KIAA0586: variants seen among roughly 807,000 people sequenced by gnomAD.
KIAA0586 encodes the protein protein TALPID3.
Under a neutral mutation model 169.8 loss-of-function variants are expected in KIAA0586, and 144 were observed. That is an observed-to-expected ratio of 0.85 (90% CI 0.74 to 0.97). The LOEUF (loss-of-function observed/expected upper bound fraction) is 0.97. KIAA0586 is among the 50% of genes least tolerant of loss of function. KIAA0586 has a pLI of 0.00. For synonymous variants in KIAA0586, 625 were observed against 612.4 expected (o/e 1.02, Z -0.30); for missense variants, 1,854 against 1,823.0 (o/e 1.02, Z -0.31).
intron 29 of KIAA0586, among the ~76,000 whole-genome samples, chr14:58,527,557 G>A (rs2045676520): frequency 6.6e-6 from 1 of 152,088 alleles, no homozygotes; most frequent in Non-Finnish European, 1.5e-5. Flanking sequence ...ATATTCAGCA[G>A]TCTTAAATAA....
intron 21 of KIAA0586, among the ~76,000 whole-genome samples, chr14:58,485,552 T>TA (rs1264564525): frequency 2.0e-5 from 3 of 152,164 alleles, no homozygotes; most frequent in Non-Finnish European, 2.9e-5. Context: ...TCCATAGATA[T>TA]ATCCATATAT....
At chr14:58,498,153 G>A (rs146990626) in intron 26 of KIAA0586, among the ~76,000 whole-genome samples, 4,247 of 152,172 alleles carry the variant, frequency 0.028, 99 homozygotes, top group Non-Finnish European at 0.037. Flanking sequence ...TGGTATTACA[G>A]GCATGAGCCA....
chr14:58,539,820 G>A (rs2046527503), intron 29 of KIAA0586: 4 of 298,572 alleles, frequency 1.3e-5, no homozygotes, highest in Middle Eastern at 9.0e-4. Context: ...ATGACCCTTT[G>A]CTTCCCCCCC....
intron 29 of KIAA0586, among the ~76,000 whole-genome samples, chr14:58,520,532 T>C (rs1429618526): frequency 6.6e-6 from 1 of 152,048 alleles, no homozygotes; most frequent in Non-Finnish European, 1.5e-5. Flanking sequence ...GTTGTTGTTG[T>C]TGTTGTTGAG....
chr14:58,475,732 A>G (rs1398188945), intron 19 of KIAA0586, among the ~76,000 whole-genome samples: 1 of 152,212 alleles, frequency 6.6e-6, no homozygotes, highest in Non-Finnish European at 1.5e-5. Flanking sequence ...ATATAAAAAG[A>G]TATTAATAAT....
chr14:58,505,324 A>G (rs2043862935), intron 27 of KIAA0586, among the ~76,000 whole-genome samples: 1 of 152,166 alleles, frequency 6.6e-6, no homozygotes, highest in Non-Finnish European at 1.5e-5. Flanking sequence ...AAAACTTCAT[A>G]GTGTTGATTT....
Position 58,467,813 on chromosome 14 carries a change from C to T in KIAA0586, c.2333C>T (p.Thr778Ile). Reference sequence around the variant, plus strand: ...AAGCCACACCCTGTAACTGTGACTACTTCTATTCCTCCATCATCTCGAAAA... The same window carrying T: ...AAGCCACACCCTGTAACTGTGACTATTTCTATTCCTCCATCATCTCGAAAA... Reference protein sequence around the residue: ...VSKPHPVTVTTSIPPSSRKVE... With the variant: ...VSKPHPVTVTISIPPSSRKVE... The change falls in exon 16 of 31, where the codon ACT becomes ATT. Residue 778 changes from threonine (T) to isoleucine (I), a missense_variant. Transcript: ENST00000652326. The T allele has an allele frequency of 6.2e-7, 1 of 1,613,620 alleles. No homozygotes were observed. Among genetic ancestry groups the T allele is most frequent in the Non-Finnish European group, 8.5e-7 (1 of 1,179,560 alleles).
intron 19 of KIAA0586, among the ~76,000 whole-genome samples, chr14:58,476,781 C>T (rs2041664806): frequency 6.6e-6 from 1 of 151,722 alleles, no homozygotes; most frequent in Non-Finnish European, 1.5e-5. Flanking sequence ...CATCCTCCCA[C>T]CTCAGCCTCT....
At chr14:58,450,791 C>G in intron 8 of KIAA0586, 45 bp downstream of exon 8, 2 of 1,302,794 alleles carry the variant, frequency 1.5e-6, no homozygotes, top group South Asian at 2.6e-5. Context: ...AGGAAATTGT[C>G]ATGAGATTTT....
In KIAA0586 at chr14:58,477,143, C is replaced by T. The variant is rs1366741096; in HGVS notation, c.2846C>T (p.Ser949Leu). 6.4e-7 allele frequency: 1 copy of T among 1,566,358 alleles called. No homozygotes were observed. Among genetic ancestry groups the T allele is most frequent in the South Asian group, 1.2e-5 (1 of 85,560 alleles). The change falls in exon 20 of 31, where the codon TCA (serine) becomes TTA (leucine). Residue 949 changes from serine to leucine, a missense_variant. Coordinates refer to ENST00000652326, the MANE Select transcript of KIAA0586 (RefSeq NM_001329943.3). ...CTCAGGGTAGAGCAAGAAATAATGT[C>T]AAGAATTATCTCTGGGCTCTTTCCA... ...LIQWVEQEIM[S>L]RIISGLFPVQ... is the part of the protein sequence containing the mutation.
intron 14 of KIAA0586, among the ~76,000 whole-genome samples, chr14:58,464,327 T>TC (rs1199840603): frequency 6.6e-6 from 1 of 152,032 alleles, no homozygotes; most frequent in Non-Finnish European, 1.5e-5. Context: ...TAAAGGTTTA[T>TC]CCCCCAGTTT....
rs1179179708 is a variant in KIAA0586 at position 58,467,812 on chromosome 14, A to G, written c.2332A>G (p.Thr778Ala). The change falls in exon 16 of 31, where the codon ACT (threonine) becomes GCT (alanine). Residue 778 changes from threonine (T) to alanine (A), a missense_variant. Thr to Ala is a moderately conservative substitution (Grantham distance 58, BLOSUM62 0). Transcript: ENST00000652326. ...CAAGCCACACCCTGTAACTGTGACT[A>G]CTTCTATTCCTCCATCATCTCGAAA... is the stretch of plus-strand genomic sequence containing the variant. Reference protein sequence around the residue: ...VSKPHPVTVTTSIPPSSRKVE... With the variant: ...VSKPHPVTVTASIPPSSRKVE... 1.2e-6 allele frequency: 2 copies of G among 1,613,582 alleles called. No individual in the cohort carries two copies. The highest frequency in any genetic ancestry group is 1.1e-5 in the South Asian group (1 of 91,080).
chr14:58,428,746 T>A (rs756421229), intron 1 of KIAA0586, among the ~76,000 whole-genome samples: 2 of 151,524 alleles, frequency 1.3e-5, no homozygotes, highest in Non-Finnish European at 2.9e-5. Context: ...TTGTATAATG[T>A]GCTTTATTTT....
At chr14:58,501,191 A>G (rs1321512039) in intron 27 of KIAA0586, among the ~76,000 whole-genome samples, 3 of 152,216 alleles carry the variant, frequency 2.0e-5, no homozygotes, top group Non-Finnish European at 4.4e-5. Context: ...TTAGTTTCAT[A>G]TTGAGTGAAC....
intron 14 of KIAA0586, among the ~76,000 whole-genome samples, chr14:58,463,672 A>T (rs961654013): frequency 5.3e-5 from 8 of 151,910 alleles, no homozygotes; most frequent in Non-Finnish European, 7.4e-5. Context: ...ACAATAAATT[A>T]AAAAAATTAG....
chr14:58,551,389 T>C (rs2047197657), downstream of KIAA0586: 1 of 152,238 alleles, frequency 6.6e-6, no homozygotes, highest in African/African-American at 2.4e-5. Flanking sequence ...ATTGTTTTTC[T>C]ATTAACTCAA....
Position 58,479,937 on chromosome 14 carries a change from C to G in KIAA0586, c.2945-2576C>G, listed in dbSNP as rs375260382. ...CTTGATTACTGTAATTTAATAGTAA[C>G]ACTTGAAATTGGATAGTGAAAGTTT... is the stretch of plus-strand genomic sequence containing the variant. On this transcript the variant is annotated intron_variant, in intron 20 of 30. Transcript: ENST00000652326. 2.6e-5 allele frequency among the ~76,000 whole-genome samples: 4 copies of G among 152,198 alleles called. 1 individual carries two copies.
At chr14:58,522,870 C>A (rs565580999) in intron 29 of KIAA0586, among the ~76,000 whole-genome samples, 78 of 152,146 alleles carry the variant, frequency 5.1e-4, no homozygotes, top group Non-Finnish European at 1.0e-3. Context: ...ACATTTCTTA[C>A]ATTTTATGTG....
chr14:58,488,720 C>T lies in KIAA0586; in HGVS notation c.3627C>T (p.Gly1209=). The change falls in exon 24 of 31, where the codon GGC becomes GGT. Residue 1209 remains glycine, a synonymous_variant. Transcript: ENST00000652326. ...EPVPFMPFPA[G]TKAPSPSQMP... is the part of the protein sequence containing the mutation. ...TTCCCTTTATGCCATTTCCTGCCGGCACCAAGGCCCCTTCCCCCTCACAGA... is the reference window on the plus strand; with the variant it reads ...TTCCCTTTATGCCATTTCCTGCCGGTACCAAGGCCCCTTCCCCCTCACAGA... 6.2e-7 allele frequency: 1 copy of T among 1,613,886 alleles called. No homozygotes were observed. The highest frequency in any genetic ancestry group is 8.5e-7 in the Non-Finnish European group (1 of 1,179,854).
Sources: allele counts gnomAD v4.1 joint callset (sites outside exome capture counted in the v4.1 genomes callset), GRCh38; gene constraint gnomAD v4.1.1; transcripts MANE v1.5; gene names NCBI Gene and HGNC (gene_info 2026-07-23, HGNC 2026-07-21).